Variants in KIF26B observed in about 807,000 individuals in gnomAD.
The protein encoded by KIF26B is kinesin-like protein KIF26B.
In KIF26B, 63 loss-of-function variants were observed where a neutral mutation model predicts 151.2. The observed-to-expected ratio is 0.42, with a 90% confidence interval of 0.34 to 0.51. The LOEUF (loss-of-function observed/expected upper bound fraction) is 0.51, where lower values mean the gene tolerates loss of function less well. Ranked by LOEUF, KIF26B falls within the 20% of genes least tolerant of loss-of-function variation. KIF26B has a pLI of 0.07. For missense variants in KIF26B, 2,813 were observed against 2,913.6 expected (o/e 0.97, Z 0.79); for synonymous variants, 1,357 against 1,262.1 (o/e 1.08, Z -1.59).
intron 4 of KIF26B, among the ~76,000 whole-genome samples, chr1:245,434,756 C>T (rs549367373): frequency 1.7e-4 from 26 of 152,188 alleles, no homozygotes; most frequent in African/African-American, 6.3e-4. Flanking sequence ...CTCTGTCTCC[C>T]ATATTTCCCT....
At chr1:245,658,176 T>TTTTGATCAAAAGTATTTTTGA (rs1299726021) in intron 10 of KIF26B, among the ~76,000 whole-genome samples, 1 of 152,216 alleles carries the variant, frequency 6.6e-6, no homozygotes, top group African/African-American at 2.4e-5. Flanking sequence ...TGATCAGTAT[T>TTTTGATCAAAAGTATTTTTGA]TCATTTTTGA....
chr1:245,612,678 T>C (rs2043540637), intron 9 of KIF26B, among the ~76,000 whole-genome samples: 1 of 152,318 alleles, frequency 6.6e-6, no homozygotes, highest in African/African-American at 2.4e-5. Context: ...TCCGGCAGTG[T>C]GTTATCATCA....
At chr1:245,285,020 C>T (rs1423855650) in intron 2 of KIF26B, among the ~76,000 whole-genome samples, 1 of 152,226 alleles carries the variant, frequency 6.6e-6, no homozygotes, top group Non-Finnish European at 1.5e-5. Context: ...GCCTGGGCAA[C>T]AAGAGCGCAA....
At chr1:245,327,338 G>A (rs10924173) in intron 2 of KIF26B, among the ~76,000 whole-genome samples, 19,781 of 152,208 alleles carry the variant, frequency 0.13, 1,807 homozygotes, top group East Asian at 0.3. Flanking sequence ...TGATGTAGTG[G>A]TCTCATTTTA....
chr1:245,275,754 A>G (rs1481445333), intron 2 of KIF26B, among the ~76,000 whole-genome samples: 1 of 152,140 alleles, frequency 6.6e-6, no homozygotes, highest in Non-Finnish European at 1.5e-5. Flanking sequence ...TGAACTTTAT[A>G]CTTTTATATG....
intron 2 of KIF26B, among the ~76,000 whole-genome samples, chr1:245,322,096 T>C (rs1459946611): frequency 6.6e-6 from 1 of 152,112 alleles, no homozygotes; most frequent in East Asian, 1.9e-4. Context: ...CTGGAAACCA[T>C]CATTCTCAAC....
At chr1:245,468,572 G>T (rs947445668) in intron 4 of KIF26B, among the ~76,000 whole-genome samples, 26 of 152,120 alleles carry the variant, frequency 1.7e-4, no homozygotes, top group Non-Finnish European at 4.4e-5. Context: ...AGAGGTTAAA[G>T]AAAAGAACAG....
intron 2 of KIF26B, among the ~76,000 whole-genome samples, chr1:245,313,713 A>G (rs148077586): frequency 2.6e-5 from 4 of 152,332 alleles, no homozygotes; most frequent in African/African-American, 4.8e-5. Flanking sequence ...TGTTTAGCAG[A>G]TATTTCACAG....
chr1:245,223,097 G>A (rs895282299), intron 2 of KIF26B, among the ~76,000 whole-genome samples: 4 of 152,012 alleles, frequency 2.6e-5, no homozygotes, highest in Non-Finnish European at 5.9e-5. Context: ...GCTGGGATAG[G>A]GTACTACTGA....
intron 4 of KIF26B, among the ~76,000 whole-genome samples, chr1:245,464,606 G>C (rs969466509): frequency 6.8e-6 from 1 of 147,262 alleles, no homozygotes; most frequent in Non-Finnish European, 1.5e-5. Flanking sequence ...TGTGCTGTGC[G>C]TGTGGGTGTG....
chr1:245,539,950 G>A (rs914101083), intron 4 of KIF26B, among the ~76,000 whole-genome samples: 1 of 152,102 alleles, frequency 6.6e-6, no homozygotes, highest in Non-Finnish European at 1.5e-5. Flanking sequence ...ACCGTGCCTG[G>A]CCAAGATTAT....
rs1558206097 is a variant in KIF26B at position 245,540,650 on chromosome 1, G to C, written c.1167-117G>C. 1.1e-6 allele frequency: 1 copy of C among 902,686 alleles called. No individual in the cohort carries two copies. 55.9% of individuals were successfully genotyped at this position (902,686 alleles called of 1,614,324 possible). On this transcript the variant is annotated intron_variant, in intron 4 of 14. Coordinates refer to ENST00000407071, the MANE Select transcript of KIF26B (RefSeq NM_018012.4). This position sits in a 1 kb window ranked among gnomAD's most constrained non-coding sequence, Gnocchi z 4.6. The stretch of plus-strand genomic sequence containing the variant: ...CTACAGAGGACACTGAGCAGGAGGA[G>C]AGAAGGAATGATTAGGCCTCAGAAA...
At position 245,606,428 on chromosome 1, in the gene KIF26B, C is replaced by T. The variant is rs1236934599; in HGVS notation, c.1558-1223C>T. 6.6e-6 allele frequency among the ~76,000 whole-genome samples: 1 copy of T among 152,232 alleles called. No individual in the cohort carries two copies. The highest frequency in any genetic ancestry group is 1.5e-5 in the Non-Finnish European group (1 of 68,048). On this transcript the variant is annotated intron_variant, in intron 6 of 14. Coordinates refer to ENST00000407071, the MANE Select transcript of KIF26B (RefSeq NM_018012.4). This position sits in a 1 kb window ranked among gnomAD's most constrained non-coding sequence, Gnocchi z 4.6. ...GCTCCCACGAGCCCTGACTCCGGCC[C>T]CGAGACAGAAATGAAAGCAACAGGG...
chr1:245,261,533 C>T (rs114825518), intron 2 of KIF26B, among the ~76,000 whole-genome samples: 10,954 of 144,808 alleles, frequency 0.076, 573 homozygotes, highest in Middle Eastern at 0.11. Context: ...CTCTCTCCCT[C>T]TCTCCCCCTC....
chr1:245,269,338 G>C (rs563149041), intron 2 of KIF26B, among the ~76,000 whole-genome samples: 1 of 148,134 alleles, frequency 6.8e-6, no homozygotes, highest in Non-Finnish European at 1.5e-5. Flanking sequence ...CTGCTGCTTT[G>C]ATTTTGACTA....
At chr1:245,520,526 ATCC>A (rs1558197185) in intron 4 of KIF26B, among the ~76,000 whole-genome samples, 3 of 149,874 alleles carry the variant, frequency 2.0e-5, no homozygotes, top group Non-Finnish European at 3.0e-5. Flanking sequence ...CCATCCATCC[ATCC>A]ATCCATCCAT....
chr1:245,612,861 C>A (rs1424524218), intron 9 of KIF26B, among the ~76,000 whole-genome samples: 1 of 152,166 alleles, frequency 6.6e-6, no homozygotes, highest in East Asian at 1.9e-4. Context: ...GAACCCAACA[C>A]TGTGCCCCTA....
chr1:245,525,205 A>G (rs1409832336), intron 4 of KIF26B, among the ~76,000 whole-genome samples: 4 of 152,156 alleles, frequency 2.6e-5, no homozygotes, highest in Non-Finnish European at 4.4e-5. Flanking sequence ...CAAATACTCT[A>G]AATGAAGATC....
chr1:245,155,000 T>G lies in KIF26B; in HGVS notation c.-425T>G. On this transcript the variant is annotated 5_prime_UTR_variant, in exon 1 of 15. Transcript: ENST00000407071. ...CTTTGAACTCAGTTACCAAGCTCGGTGAAGGAGACAAGTTCCCACAGCTGA... is the reference window on the plus strand; with the variant it reads ...CTTTGAACTCAGTTACCAAGCTCGGGGAAGGAGACAAGTTCCCACAGCTGA... 2.4e-6 allele frequency: 1 copy of G among 418,294 alleles called. No homozygotes were observed. The highest frequency in any genetic ancestry group is 4.2e-6 in the Non-Finnish European group (1 of 240,316). The allele number at this position is 418,294 out of a possible 1,614,324, so 25.9% of individuals were successfully genotyped here.
Sources: allele counts gnomAD v4.1 joint callset (sites outside exome capture counted in the v4.1 genomes callset), GRCh38; gene constraint gnomAD v4.1.1; non-coding constraint Gnocchi (gnomAD v3.1); transcripts MANE v1.5; gene names NCBI Gene and HGNC (gene_info 2026-07-23, HGNC 2026-07-21).